PIERCE2: variants seen among roughly 807,000 people sequenced by gnomAD.
PIERCE2 encodes the protein piercer of microtubule wall 2.
chr15:55,412,298 A>G, the PIERCE2 span, among the ~76,000 whole-genome samples: 4 of 152,182 alleles, frequency 2.6e-5, no homozygotes, highest in African/African-American at 9.6e-5. Flanking sequence ...TACTCTTCCA[A>G]TATATCACAT....
At chr15:55,409,786 A>C in the PIERCE2 span, among the ~76,000 whole-genome samples, 1 of 152,330 alleles carries the variant, frequency 6.6e-6, no homozygotes, top group African/African-American at 2.4e-5. Context: ...GCTTTCTCTA[A>C]CTGAAAATTA....
At chr15:55,418,767 G>A in the PIERCE2 span, 1 of 466,910 alleles carries the variant, frequency 2.1e-6, no homozygotes. Flanking sequence ...AAAATAAAAG[G>A]TAGAAAGTGT....
chr15:55,412,093 C>CAAAAAAAAAAAAAAAAAAAAAAAAAA, the PIERCE2 span, among the ~76,000 whole-genome samples: 1 of 82,066 alleles, frequency 1.2e-5, no homozygotes, highest in Non-Finnish European at 2.2e-5. Context: ...TTTGTCTCCA[C>CAAAAAAAAAAAAAAAAAAAAAAAAAA]AAAAAAAAAA....
the PIERCE2 span, chr15:55,410,759 A>C: frequency 6.6e-6 from 1 of 152,228 alleles, no homozygotes; most frequent in Admixed American, 6.5e-5. Context: ...GGTGCCCATA[A>C]AAGTAAATTA....
At chr15:55,415,569 A>G in the PIERCE2 span, among the ~76,000 whole-genome samples, 1 of 152,074 alleles carries the variant, frequency 6.6e-6, no homozygotes, top group African/African-American at 2.4e-5. Flanking sequence ...GTCCCTCTTA[A>G]GGGCTTACAA....
the PIERCE2 span, among the ~76,000 whole-genome samples, chr15:55,415,196 G>A: frequency 6.6e-6 from 1 of 152,066 alleles, no homozygotes; most frequent in African/African-American, 2.4e-5. Context: ...GGCCGGGCGT[G>A]GTGGCTCACG....
chr15:55,413,835 T>C, the PIERCE2 span, among the ~76,000 whole-genome samples: 1 of 151,782 alleles, frequency 6.6e-6, no homozygotes, highest in Non-Finnish European at 1.5e-5. Context: ...TCATTAGGAC[T>C]TTTTTTATTT....
chr15:55,414,763 A>G, the PIERCE2 span, among the ~76,000 whole-genome samples: 3 of 151,982 alleles, frequency 2.0e-5, no homozygotes, highest in Non-Finnish European at 4.4e-5. Flanking sequence ...CTGTAATCCC[A>G]GCTGCTTGGG....
chr15:55,416,380 TG>T, the PIERCE2 span, among the ~76,000 whole-genome samples: 1 of 152,118 alleles, frequency 6.6e-6, no homozygotes, highest in African/African-American at 2.4e-5. Context: ...GATTTACAGG[TG>T]TGAGCCATTG....
the PIERCE2 span, among the ~76,000 whole-genome samples, chr15:55,414,017 C>T: frequency 6.6e-6 from 1 of 151,392 alleles, no homozygotes; most frequent in Non-Finnish European, 1.5e-5. Flanking sequence ...CCTGCCTCAG[C>T]CTCCCGAGTA....
chr15:55,415,509 C>T, the PIERCE2 span, among the ~76,000 whole-genome samples: 1 of 151,576 alleles, frequency 6.6e-6, no homozygotes, highest in Non-Finnish European at 1.5e-5. Context: ...TTCGGCCATT[C>T]GGCAAGAATC....
chr15:55,413,715 G>T, the PIERCE2 span, among the ~76,000 whole-genome samples: 26,113 of 138,178 alleles, frequency 0.19, 4,087 homozygotes, highest in African/African-American at 0.44. Context: ...AGCCAAGATC[G>T]CGCCATTGCA....
At chr15:55,414,458 C>T in the PIERCE2 span, among the ~76,000 whole-genome samples, 1 of 151,900 alleles carries the variant, frequency 6.6e-6, no homozygotes, top group Non-Finnish European at 1.5e-5. Flanking sequence ...TGATCCACCG[C>T]ACTCGGCCTA....
chr15:55,410,000 C>T, the PIERCE2 span, among the ~76,000 whole-genome samples: 8 of 151,036 alleles, frequency 5.3e-5, no homozygotes, highest in African/African-American at 1.9e-4. Flanking sequence ...CTATTTGTTT[C>T]GTTCTTAACT....
the PIERCE2 span, among the ~76,000 whole-genome samples, chr15:55,414,834 C>T: frequency 0.042 from 6,395 of 151,948 alleles, 468 homozygotes; most frequent in African/African-American, 0.15. Context: ...GCCGAGATGG[C>T]GCCACTACAC....
At chr15:55,412,214 GT>G in the PIERCE2 span, among the ~76,000 whole-genome samples, 2 of 151,316 alleles carry the variant, frequency 1.3e-5, no homozygotes, top group African/African-American at 4.9e-5. Flanking sequence ...TTATTTACCA[GT>G]TTTACAGATA....
the PIERCE2 span, among the ~76,000 whole-genome samples, chr15:55,416,251 C>G: frequency 0.98 from 149,402 of 152,036 alleles, 73,454 homozygotes; most frequent in East Asian, 1. Context: ...ACAGGCACAT[C>G]CCACCACAAC....
the PIERCE2 span, among the ~76,000 whole-genome samples, chr15:55,412,239 G>C: frequency 6.6e-6 from 1 of 152,062 alleles, no homozygotes; most frequent in Non-Finnish European, 1.5e-5. Context: ...TACAAATAAA[G>C]GTGAAATGAT....
chr15:55,413,051 G>C, the PIERCE2 span, among the ~76,000 whole-genome samples: 7 of 151,280 alleles, frequency 4.6e-5, no homozygotes, highest in East Asian at 1.2e-3. Flanking sequence ...GGCGGATCAC[G>C]AGGTCAGGAG....
Sources: allele counts gnomAD v4.1 joint callset (sites outside exome capture counted in the v4.1 genomes callset), GRCh38; gene constraint gnomAD v4.1.1; transcripts MANE v1.5; gene names NCBI Gene and HGNC (gene_info 2026-07-23, HGNC 2026-07-21).